ZDHHC17: variants seen among roughly 807,000 people sequenced by gnomAD.
ZDHHC17 encodes palmitoyltransferase ZDHHC17.
In ZDHHC17, 40 loss-of-function variants were observed where a neutral mutation model predicts 90.3. That is an observed-to-expected ratio of 0.44 (90% CI 0.34 to 0.58). The LOEUF (loss-of-function observed/expected upper bound fraction) is 0.58. Ranked by LOEUF, ZDHHC17 falls within the 20% of genes least tolerant of loss-of-function variation. The pLI is 0.01. For missense variants in ZDHHC17, 614 were observed against 780.8 expected (o/e 0.79, Z 2.55); for synonymous variants, 235 against 252.4 (o/e 0.93, Z 0.65).
intron 2 of ZDHHC17, among the ~76,000 whole-genome samples, chr12:76,797,900 C>T (rs1055366946): frequency 2.6e-5 from 4 of 151,726 alleles, no homozygotes; most frequent in South Asian, 2.1e-4. Flanking sequence ...GCCGAGATTG[C>T]GCCACTGTGC....
At chr12:76,839,075 A>G (rs909561372) in intron 10 of ZDHHC17, among the ~76,000 whole-genome samples, 48 of 152,204 alleles carry the variant, frequency 3.2e-4, no homozygotes, top group Admixed American at 1.8e-3. Context: ...CTCTCATTCT[A>G]CTTTATATAA....
At chr12:76,820,364 G>T (rs1953150248) in intron 7 of ZDHHC17, among the ~76,000 whole-genome samples, 1 of 152,026 alleles carries the variant, frequency 6.6e-6, no homozygotes, top group Non-Finnish European at 1.5e-5. Context: ...CACAATTATG[G>T]CCTACCCAGT....
At chr12:76,828,580 CT>C (rs1953259469) in intron 10 of ZDHHC17, 90 bp downstream of exon 10, 3 of 1,076,208 alleles carry the variant, frequency 2.8e-6, no homozygotes, top group Non-Finnish European at 4.1e-6. Flanking sequence ...GACTGATCTA[CT>C]CATTCATAAT....
intron 1 of ZDHHC17, among the ~76,000 whole-genome samples, chr12:76,770,926 C>CAAAAAAA (rs34292734): frequency 1.3e-5 from 1 of 76,174 alleles, no homozygotes; most frequent in African/African-American, 5.0e-5. Flanking sequence ...AACTCCATCT[C>CAAAAAAA]AAAAAAAAAA....
chr12:76,764,168 C>T lies in ZDHHC17; in HGVS notation c.-69C>T. ...GAGGCCCGCGTCGCCTCCGGCGGGG[C>T]TCGCGCTCGCCCCGCGCTCGCCCTC... On this transcript the variant is annotated 5_prime_UTR_variant, in exon 1 of 17. Transcript: ENST00000426126. The T allele has an allele frequency of 1.1e-6, 1 of 949,632 alleles. No homozygotes were observed. Among genetic ancestry groups the T allele is most frequent in the Non-Finnish European group, 1.5e-6 (1 of 681,100 alleles). The allele number at this position is 949,632 out of a possible 1,614,324, so 58.8% of individuals were successfully genotyped here.
intron 2 of ZDHHC17, among the ~76,000 whole-genome samples, chr12:76,803,679 C>G (rs1435879520): frequency 6.6e-6 from 1 of 152,112 alleles, no homozygotes; most frequent in Non-Finnish European, 1.5e-5. Flanking sequence ...GCCACCAAAA[C>G]CAGAGAGATT....
chr12:76,782,257 C>T (rs571246829), intron 1 of ZDHHC17, among the ~76,000 whole-genome samples: 1 of 152,206 alleles, frequency 6.6e-6, no homozygotes, highest in Admixed American at 6.5e-5. Context: ...TAGCTGGATG[C>T]CTGCTGGGTT....
At chr12:76,776,582 G>A (rs1387794824) in intron 1 of ZDHHC17, among the ~76,000 whole-genome samples, 6 of 152,020 alleles carry the variant, frequency 3.9e-5, no homozygotes, top group African/African-American at 1.4e-4. Flanking sequence ...AGCACATAAC[G>A]ATCTTCCCTA....
chr12:76,779,211 G>A (rs939164865), intron 1 of ZDHHC17, among the ~76,000 whole-genome samples: 1 of 152,108 alleles, frequency 6.6e-6, no homozygotes, highest in Non-Finnish European at 1.5e-5. Flanking sequence ...TATATCTTAG[G>A]CACTAGTCAC....
intron 3 of ZDHHC17, among the ~76,000 whole-genome samples, chr12:76,806,926 A>G (rs910220097): frequency 6.6e-6 from 1 of 152,248 alleles, no homozygotes; most frequent in African/African-American, 2.4e-5. Context: ...CTGAATTGCT[A>G]CATTTTCAGT....
intron 7 of ZDHHC17, among the ~76,000 whole-genome samples, chr12:76,818,951 G>C (rs1425012649): frequency 2.6e-5 from 4 of 152,192 alleles, no homozygotes; most frequent in African/African-American, 9.6e-5. Context: ...ATGGAGATCA[G>C]TTAGGCTGTT....
chr12:76,849,323 C>CTAAAAAA, intron 15 of ZDHHC17, 53 bp from the exon 16 acceptor site: 1 of 452,136 alleles, frequency 2.2e-6, no homozygotes, highest in Non-Finnish European at 3.2e-6. Context: ...GGTCCTGTCT[C>CTAAAAAA]AAAAAAAAAA....
intron 1 of ZDHHC17, among the ~76,000 whole-genome samples, chr12:76,775,174 T>C (rs1393174914): frequency 1.3e-5 from 2 of 152,208 alleles, no homozygotes; most frequent in Non-Finnish European, 2.9e-5. Flanking sequence ...TCATTAGCAA[T>C]CCATTTAAAG....
chr12:76,765,571 T>C (rs1952421112), intron 1 of ZDHHC17, among the ~76,000 whole-genome samples: 1 of 152,254 alleles, frequency 6.6e-6, no homozygotes, highest in Non-Finnish European at 1.5e-5. Context: ...TTGGTTCACT[T>C]AGGCCCTAAC....
chr12:76,778,995 C>T lies in ZDHHC17; in HGVS notation c.93+14666C>T, dbSNP rs181649032. On this transcript the variant is annotated intron_variant, in intron 1 of 16. Coordinates refer to ENST00000426126, the MANE Select transcript of ZDHHC17 (RefSeq NM_015336.4). Reference sequence around the variant, plus strand: ...CTCCTTTTTAAAAGGACAGTAATCACATTAGATTAGGGCCCACCCAATGGC... The same window carrying T: ...CTCCTTTTTAAAAGGACAGTAATCATATTAGATTAGGGCCCACCCAATGGC... Among the ~76,000 whole-genome samples the T allele has an allele frequency of 5.8e-3, 880 of 152,308 alleles. 10 individuals are homozygous for T. The highest frequency in any genetic ancestry group is 0.021 in the African/African-American group (856 of 41,562).
intron 11 of ZDHHC17, among the ~76,000 whole-genome samples, chr12:76,842,323 C>T (rs944510100): frequency 6.6e-6 from 1 of 152,144 alleles, no homozygotes; most frequent in Non-Finnish European, 1.5e-5. Flanking sequence ...GTGTTTCTCT[C>T]CCTTACAAGA....
At chr12:76,767,403 A>G (rs546953078) in intron 1 of ZDHHC17, among the ~76,000 whole-genome samples, 1 of 152,360 alleles carries the variant, frequency 6.6e-6, no homozygotes, top group South Asian at 2.1e-4. Flanking sequence ...CAAACTGCCC[A>G]CTGTTAAAAC....
intron 1 of ZDHHC17, among the ~76,000 whole-genome samples, chr12:76,777,397 A>G (rs1024434063): frequency 1.4e-4 from 22 of 152,306 alleles, no homozygotes; most frequent in South Asian, 4.1e-4. Context: ...ATAGTATCCC[A>G]CAGTATGGAT....
intron 3 of ZDHHC17, among the ~76,000 whole-genome samples, chr12:76,806,901 G>A (rs1223877431): frequency 6.6e-6 from 1 of 152,220 alleles, no homozygotes; most frequent in Non-Finnish European, 1.5e-5. Context: ...TTAATGCCAG[G>A]TAAGAGAATT....
Sources: allele counts gnomAD v4.1 joint callset (sites outside exome capture counted in the v4.1 genomes callset), GRCh38; gene constraint gnomAD v4.1.1; transcripts MANE v1.5; gene names NCBI Gene and HGNC (gene_info 2026-07-23, HGNC 2026-07-21).